Variants in NCOA3 observed in about 807,000 individuals in gnomAD.
NCOA3 encodes CBP-interacting protein.
NCOA3 carries 51 observed loss-of-function variants against 158.8 expected under a neutral mutation model. That is an observed-to-expected ratio of 0.32 (90% CI 0.26 to 0.41). The LOEUF (loss-of-function observed/expected upper bound fraction) is 0.41. NCOA3 is among the 10% of genes least tolerant of loss of function. The pLI is 1.00. For missense variants in NCOA3, 1,510 were observed against 1,746.6 expected (o/e 0.86, Z 2.41); for synonymous variants, 537 against 592.4 (o/e 0.91, Z 1.36).
intron 1 of NCOA3, among the ~76,000 whole-genome samples, chr20:47,503,834 C>G (rs1361103183): frequency 6.6e-6 from 1 of 152,128 alleles, no homozygotes; most frequent in Non-Finnish European, 1.5e-5. Flanking sequence ...CTAGAGGTTG[C>G]TTCAGGTTCT....
At chr20:47,627,212 AT>A (rs1196205408) in intron 6 of NCOA3, 36 bp downstream of exon 6, 4 of 1,491,538 alleles carry the variant, frequency 2.7e-6, no homozygotes, top group Non-Finnish European at 3.6e-6. Context: ...AATAGGTTAA[AT>A]TTTTTTCCTT....
At chr20:47,581,626 T>G (rs2085454368) in intron 1 of NCOA3, among the ~76,000 whole-genome samples, 1 of 152,244 alleles carries the variant, frequency 6.6e-6, no homozygotes, top group African/African-American at 2.4e-5. Context: ...TAGGGCGTAA[T>G]TATGGTTGTT....
chr20:47,571,405 C>T (rs1023276801), intron 1 of NCOA3, among the ~76,000 whole-genome samples: 1 of 151,390 alleles, frequency 6.6e-6, no homozygotes, highest in Non-Finnish European at 1.5e-5. Flanking sequence ...GCAACCTTCA[C>T]CTCCTGTGTT....
intron 1 of NCOA3, among the ~76,000 whole-genome samples, chr20:47,564,550 T>C (rs2085161820): frequency 6.6e-6 from 1 of 151,922 alleles, no homozygotes; most frequent in Non-Finnish European, 1.5e-5. Flanking sequence ...TCTCCTCTTT[T>C]TTTTTTTTTT....
At chr20:47,511,560 T>TATACACACACACATACACATATA (rs1569310982) in intron 1 of NCOA3, among the ~76,000 whole-genome samples, 2 of 5,518 alleles carry the variant, frequency 3.6e-4, no homozygotes, top group Non-Finnish European at 2.6e-3. Context: ...TATATATTTC[T>TATACACACACACATACACATATA]TTTTTTTTTT....
chr20:47,585,046 CTTTTTTTT>C (rs11473989), intron 2 of NCOA3, among the ~76,000 whole-genome samples: 45 of 91,316 alleles, frequency 4.9e-4, no homozygotes, highest in African/African-American at 1.9e-3. Context: ...CCTTTCTTAA[CTTTTTTTT>C]TTTTTTTTTT....
At chr20:47,637,806 T>C (rs72645273) in intron 13 of NCOA3, 23 bp downstream of exon 13, 1 of 1,577,986 alleles carries the variant, frequency 6.3e-7, no homozygotes, top group South Asian at 1.2e-5. Context: ...TAGGTTTTTT[T>C]TTTTTTTGCT....
chr20:47,508,065 GTAA>G (rs1259941190), intron 1 of NCOA3, among the ~76,000 whole-genome samples: 3 of 152,066 alleles, frequency 2.0e-5, no homozygotes, highest in Admixed American at 6.6e-5. Context: ...AAAAGGGATA[GTAA>G]TGATGTAGTT....
chr20:47,604,439 C>T (rs2085911883), intron 2 of NCOA3, among the ~76,000 whole-genome samples: 1 of 152,178 alleles, frequency 6.6e-6, no homozygotes, highest in Non-Finnish European at 1.5e-5. Context: ...TTAACCTTGT[C>T]TATTGATTCT....
chr20:47,649,094 C>G lies in NCOA3; in HGVS notation c.3636C>G (p.Pro1212=). The G allele has an allele frequency of 6.2e-7, 1 of 1,613,128 alleles. No individual in the cohort carries two copies. The highest frequency in any genetic ancestry group is 8.5e-7 in the Non-Finnish European group (1 of 1,179,362). The part of the protein sequence containing the change: ...GAAVMRPMMQ[P]QVSSQQGFLN... ...CGGTGATGAGGCCTATGATGCAGCC[C>G]CAGGTGAGCTCCCAGGTGAGGATGA... The change falls in exon 19 of 23, where the codon CCC becomes CCG. Residue 1212 remains proline (P), a synonymous_variant. Coordinates refer to ENST00000371998, the MANE Select transcript of NCOA3 (RefSeq NM_181659.3).
intron 1 of NCOA3, among the ~76,000 whole-genome samples, chr20:47,570,931 AAT>A (rs74178746): frequency 0.069 from 8,260 of 119,222 alleles, 379 homozygotes; most frequent in Non-Finnish European, 0.084. Context: ...AATGAGCAGT[AAT>A]ATATATACAC....
At chr20:47,602,932 A>G (rs957164987) in intron 2 of NCOA3, among the ~76,000 whole-genome samples, 2 of 152,122 alleles carry the variant, frequency 1.3e-5, no homozygotes, top group Non-Finnish European at 2.9e-5. Flanking sequence ...TTTTTAGGCT[A>G]AATTGCCAGT....
At chr20:47,558,665 T>G (rs778325096) in intron 1 of NCOA3, among the ~76,000 whole-genome samples, 1 of 152,272 alleles carries the variant, frequency 6.6e-6, no homozygotes, top group South Asian at 2.1e-4. Context: ...TTTTGGATGC[T>G]GCTTCTTCTA....
intron 2 of NCOA3, among the ~76,000 whole-genome samples, chr20:47,594,107 G>T (rs1170094062): frequency 6.6e-6 from 1 of 152,076 alleles, no homozygotes; most frequent in Non-Finnish European, 1.5e-5. Context: ...AACATTTGTT[G>T]ATTTTGCCTT....
chr20:47,550,468 G>T (rs906679126), intron 1 of NCOA3, among the ~76,000 whole-genome samples: 2 of 145,774 alleles, frequency 1.4e-5, no homozygotes, highest in African/African-American at 2.6e-5. Flanking sequence ...AAAAAAAGGT[G>T]GGGGGGTTTG....
chr20:47,633,782 C>T, intron 9 of NCOA3, 146 bp downstream of exon 9: 1 of 933,568 alleles, frequency 1.1e-6, no homozygotes, highest in Non-Finnish European at 1.6e-6. Context: ...AGGTGCACAC[C>T]ACCATACCTG....
intron 1 of NCOA3, among the ~76,000 whole-genome samples, chr20:47,564,367 G>A (rs2085158613): frequency 6.6e-6 from 1 of 151,850 alleles, no homozygotes; most frequent in Non-Finnish European, 1.5e-5. Flanking sequence ...ACTGTTGTTG[G>A]ATGTCCTTTA....
chr20:47,610,727 A>G (rs2086029253), intron 2 of NCOA3, among the ~76,000 whole-genome samples: 1 of 152,182 alleles, frequency 6.6e-6, no homozygotes, highest in African/African-American at 2.4e-5. Flanking sequence ...TTTGCTTTAT[A>G]AGAAGGACAT....
chr20:47,627,705 G>A lies in NCOA3; in HGVS notation c.677G>A (p.Cys226Tyr). Residue 226 changes from cysteine to tyrosine, a missense_variant, in exon 7 of 23, where the codon TGC (cysteine) becomes TAC (tyrosine). Cys to Tyr is a radical substitution (Grantham distance 194). This residue lies in a region of NCOA3 where 309 missense variants were observed against 427.1 expected (regional missense o/e 0.72). Coordinates refer to ENST00000371998, the MANE Select transcript of NCOA3 (RefSeq NM_181659.3). ...CGCCAGAGATATGAAACAATGCAGT[G>A]CTTTGCCCTGTCTCAGCCACGAGCT... ...EMRQRYETMQCFALSQPRAMM... is the reference protein window; with the variant it reads ...EMRQRYETMQYFALSQPRAMM... The A allele has an allele frequency of 6.2e-7, 1 of 1,614,114 alleles. No homozygotes were observed. The highest frequency in any genetic ancestry group is 8.5e-7 in the Non-Finnish European group (1 of 1,180,022).
Sources: gnomAD v4.1 joint callset for allele counts (sites outside exome capture counted in the v4.1 genomes callset) on GRCh38, gnomAD v4.1.1 for gene constraint, gnomAD v4.1.1 regional missense constraint, MANE v1.5 for transcripts, NCBI Gene and HGNC (gene_info 2026-07-23, HGNC 2026-07-21) for gene names.